Variants in SMYD4 observed in about 807,000 individuals in gnomAD.
The protein encoded by SMYD4 is protein-lysine N-methyltransferase SMYD4.
In SMYD4, 68 loss-of-function variants were observed where a neutral mutation model predicts 72.8. That is an observed-to-expected ratio of 0.93 (90% CI 0.77 to 1.14). The LOEUF (loss-of-function observed/expected upper bound fraction) is 1.14, where lower values mean the gene tolerates loss of function less well. Ranked by LOEUF, SMYD4 falls within the 50% of genes most tolerant of loss-of-function variation. The pLI is 0.00. For synonymous variants in SMYD4, 407 were observed against 388.6 expected (o/e 1.05, Z -0.56); for missense variants, 984 against 1,003.7 (o/e 0.98, Z 0.27).
chr17:1,826,491 CAAAAAAAA>C (rs111636314), intron 2 of SMYD4, among the ~76,000 whole-genome samples: 6 of 103,056 alleles, frequency 5.8e-5, no homozygotes, highest in African/African-American at 1.3e-4. Flanking sequence ...AAACTCTGTC[CAAAAAAAA>C]AAAAAAAAAA....
At chr17:1,793,829 GT>G (rs112584133) in intron 5 of SMYD4, among the ~76,000 whole-genome samples, 24 of 144,500 alleles carry the variant, frequency 1.7e-4, no homozygotes, top group Admixed American at 1.4e-4. Flanking sequence ...TCAGTGCAGT[GT>G]TTTTTTTTTG....
intron 5 of SMYD4, among the ~76,000 whole-genome samples, chr17:1,794,105 A>ATATTTTTTTTTT (rs1291818005): frequency 7.7e-5 from 1 of 12,982 alleles, no homozygotes; most frequent in Non-Finnish European, 1.4e-4. Flanking sequence ...ATATATATAT[A>ATATTTTTTTTTT]TTTTTTTTTT....
Position 1,817,793 on chromosome 17 carries a change from G to A in SMYD4, c.135-5678C>T, listed in dbSNP as rs561278109. Reference sequence around the variant, plus strand: ...CAATTGGCCGGGCACAGTGGATCACGCCCCAGAACTTTGGGAGGCCGAGGT... The same window carrying A: ...CAATTGGCCGGGCACAGTGGATCACACCCCAGAACTTTGGGAGGCCGAGGT... On this transcript the variant is annotated intron_variant, in intron 2 of 10. Transcript: ENST00000305513. 1.9e-3 allele frequency among the ~76,000 whole-genome samples: 291 copies of A among 151,982 alleles called. 2 individuals carry two copies. The highest frequency in any genetic ancestry group is 6.5e-3 in the African/African-American group (270 of 41,466).
rs1331442889 is a variant in SMYD4 at position 1,783,467 on chromosome 17, A to C, written c.2030T>G (p.Val677Gly). The C allele has an allele frequency of 6.2e-7, 1 of 1,608,638 alleles. No individual in the cohort carries two copies. The highest frequency in any genetic ancestry group is 2.2e-5 in the East Asian group (1 of 44,718). The change falls in exon 9 of 11, where the codon GTT becomes GGT. Residue 677 changes from valine to glycine, a missense_variant. By Grantham distance (109) the Val-to-Gly change is moderately radical (BLOSUM62 -3). Coordinates refer to ENST00000305513, the MANE Select transcript of SMYD4 (RefSeq NM_052928.3). ...ACGCTGGCACCCCGACAGCCGCTGAACAGCTCGCTCTGTCAATGCAGAGGA... is the reference window on the plus strand; with the variant it reads ...ACGCTGGCACCCCGACAGCCGCTGACCAGCTCGCTCTGTCAATGCAGAGGA... ...LLRDGELERA[V>G]QRLSGCQRDA...
At chr17:1,804,198 T>C (rs1355631016) in intron 4 of SMYD4, 2 of 170,182 alleles carry the variant, frequency 1.2e-5, no homozygotes, top group Non-Finnish European at 1.2e-5. Context: ...TGAGATAGAG[T>C]CTCACTCTGT....
Position 1,799,944 on chromosome 17 carries a change from C to A in SMYD4, c.1450G>T (p.Asp484Tyr), listed in dbSNP as rs947176495. 1 of 1,614,056 alleles carries A rather than the reference C, an allele frequency of 6.2e-7. No individual in the cohort carries two copies. The highest frequency in any genetic ancestry group is 8.5e-7 in the Non-Finnish European group (1 of 1,179,988). ...KAAVTPELCP[D>Y]VTIWGVAMLR... ...ATCGCCACTCCCCAAATAGTCACGT[C>A]AGGACACAATTCAGGTGTCACTGCT... Residue 484 changes from aspartate (D) to tyrosine (Y), a missense_variant, in exon 5 of 11, where the codon GAC becomes TAC. Asp to Tyr is a radical substitution (Grantham distance 160, BLOSUM62 -3). Coordinates refer to ENST00000305513, the MANE Select transcript of SMYD4 (RefSeq NM_052928.3).
At chr17:1,799,744 C>A (rs1052926061) in intron 5 of SMYD4, 113 bp downstream of exon 5, 1 of 1,006,288 alleles carries the variant, frequency 9.9e-7, no homozygotes. Context: ...CTTAGTGATC[C>A]CATTAGCTCA....
At chr17:1,819,167 G>A (rs935533763) in intron 2 of SMYD4, among the ~76,000 whole-genome samples, 5 of 151,722 alleles carry the variant, frequency 3.3e-5, no homozygotes, top group Admixed American at 3.3e-4. Flanking sequence ...GACCACCCTG[G>A]GCAACATGGT....
At chr17:1,785,439 G>GAAAAAAGA (rs71375542) in intron 7 of SMYD4, among the ~76,000 whole-genome samples, 4 of 124,554 alleles carry the variant, frequency 3.2e-5, no homozygotes, top group Non-Finnish European at 6.7e-5. Context: ...AAAAGAAAAA[G>GAAAAAAGA]AAAAAAAAAA....
chr17:1,784,207 G>C, intron 8 of SMYD4, 119 bp downstream of exon 8: 1 of 1,482,362 alleles, frequency 6.7e-7, no homozygotes, highest in South Asian at 1.3e-5. Context: ...TCTTGTGGCT[G>C]GCATGGGGAT....
chr17:1,824,381 A>T (rs1331637529), intron 2 of SMYD4, among the ~76,000 whole-genome samples: 1 of 152,158 alleles, frequency 6.6e-6, no homozygotes, highest in Non-Finnish European at 1.5e-5. Flanking sequence ...CTATAAAGTC[A>T]CAGTAATTAA....
At chr17:1,828,889 G>A (rs1911359625) in intron 1 of SMYD4, among the ~76,000 whole-genome samples, 1 of 152,004 alleles carries the variant, frequency 6.6e-6, no homozygotes, top group Admixed American at 6.6e-5. Context: ...GAGCCACCGC[G>A]CCCGGCCTGA....
At chr17:1,788,540 T>C (rs370526659) in intron 5 of SMYD4, among the ~76,000 whole-genome samples, 49 of 151,552 alleles carry the variant, frequency 3.2e-4, no homozygotes, top group African/African-American at 9.2e-4. Flanking sequence ...GGTCAGGAGA[T>C]CGAGACCATC....
chr17:1,794,057 GTATATATA>G (rs752397865), intron 5 of SMYD4, among the ~76,000 whole-genome samples: 1 of 46,826 alleles, frequency 2.1e-5, no homozygotes, highest in East Asian at 4.9e-4. Flanking sequence ...ATATATGTGT[GTATATATA>G]TGTGTATATA....
intron 5 of SMYD4, among the ~76,000 whole-genome samples, chr17:1,789,877 A>G (rs922431948): frequency 1.3e-5 from 2 of 152,188 alleles, no homozygotes; most frequent in East Asian, 3.8e-4. Flanking sequence ...AGAACAAGTA[A>G]ATACATTTTG....
Position 1,827,950 on chromosome 17 carries a change from C to A in SMYD4, c.45G>T (p.Lys15Asn). The stretch of plus-strand genomic sequence containing the variant: ...GAACAGACGTCGGGAGTGAAGCCCA[C>A]TTTTGAAGCAGATATGATTTCCATT... ...VDEWKSYLLQ[K>N]WASLPTSVQV... is the part of the protein sequence containing the mutation. The change falls in exon 2 of 11, where the codon AAG (lysine) becomes AAT (asparagine). Residue 15 changes from lysine (K) to asparagine (N), a missense_variant. By Grantham distance (94) the Lys-to-Asn change is moderately conservative (BLOSUM62 0). Transcript: ENST00000305513. 6.2e-7 allele frequency: 1 copy of A among 1,613,538 alleles called. No individual in the cohort carries two copies. Among genetic ancestry groups the A allele is most frequent in the Middle Eastern group, 1.7e-4 (1 of 6,058 alleles).
At position 1,799,956 on chromosome 17, in the gene SMYD4, C is replaced by G; in HGVS notation, c.1438G>C (p.Glu480Gln). 3 of 1,614,114 alleles carry G rather than the reference C, an allele frequency of 1.9e-6. No homozygotes were observed. The highest frequency in any genetic ancestry group is 2.5e-6 in the Non-Finnish European group (3 of 1,180,032). Reference protein sequence around the residue: ...SSQLKAAVTPELCPDVTIWGV... With the variant: ...SSQLKAAVTPQLCPDVTIWGV... ...CAAATAGTCACGTCAGGACACAATTCAGGTGTCACTGCTGCTTTAAGCTGA... is the reference window on the plus strand; with the variant it reads ...CAAATAGTCACGTCAGGACACAATTGAGGTGTCACTGCTGCTTTAAGCTGA... Residue 480 changes from glutamate (E) to glutamine (Q), a missense_variant, in exon 5 of 11, where the codon GAA (glutamate) becomes CAA (glutamine). Transcript: ENST00000305513.
chr17:1,807,242 C>CAGCAA (rs1318310231), intron 3 of SMYD4, among the ~76,000 whole-genome samples: 2 of 151,698 alleles, frequency 1.3e-5, no homozygotes, highest in Non-Finnish European at 2.9e-5. Context: ...AGACAGGAAA[C>CAGCAA]AAGCATCGAT....
At position 1,781,071 on chromosome 17, in the gene SMYD4, C is replaced by G. The variant is rs1047773314; in HGVS notation, c.*215G>C. 6.9e-6 allele frequency: 3 copies of G among 433,764 alleles called. No homozygotes were observed. Among genetic ancestry groups the G allele is most frequent in the African/African-American group, 2.1e-5 (1 of 48,040 alleles). 26.9% of individuals were successfully genotyped at this position (433,764 alleles called of 1,614,324 possible). A position where few individuals can be genotyped will look rare whatever the true frequency, so the allele number is the denominator to read the frequency against. On this transcript the variant is annotated 3_prime_UTR_variant, in exon 11 of 11. Transcript: ENST00000305513. ...AGTAGCTGGGATTACAGGTGCCCAC[C>G]ACCACGCCTGGCTAGTTTTTTGTAT...
Sources: gnomAD v4.1 joint callset for allele counts (sites outside exome capture counted in the v4.1 genomes callset) on GRCh38, gnomAD v4.1.1 for gene constraint, MANE v1.5 for transcripts, NCBI Gene and HGNC (gene_info 2026-07-23, HGNC 2026-07-21) for gene names.